Variants in CD2AP observed in about 807,000 individuals in gnomAD.
The protein encoded by CD2AP is CD2 associated protein.
Under a neutral mutation model 85.1 loss-of-function variants are expected in CD2AP, and 46 were observed. The ratio of observed to expected loss-of-function variants is 0.54; its 90% CI spans 0.43 to 0.69. CD2AP has a LOEUF of 0.69. CD2AP is among the 30% of genes least tolerant of loss of function. The pLI is 0.00. For synonymous variants in CD2AP, 255 were observed against 252.9 expected, an observed-to-expected ratio of 1.01 and a Z score of -0.08; for missense variants, 769 against 729.5, an observed-to-expected ratio of 1.05 and a Z score of -0.62.
intron 1 of CD2AP, among the ~76,000 whole-genome samples, chr6:47,498,576 T>G (rs549258304): frequency 6.6e-6 from 1 of 152,328 alleles, no homozygotes; most frequent in East Asian, 1.9e-4. Flanking sequence ...TTCCTTATTT[T>G]CATCTTTTTC....
chr6:47,533,706 T>A lies in CD2AP; in HGVS notation c.270T>A (p.Leu90=). ...SLVQRISTYG[L]PAGGIQPHPQ... The stretch of plus-strand genomic sequence containing the variant: ...TACAACGAATAAGCACCTATGGACT[T>A]CCAGCTGGAGGAATTCAGCCACATC... Residue 90 remains leucine, a synonymous_variant, in exon 3 of 18, where the codon CTT becomes CTA. Coordinates refer to ENST00000359314, the MANE Select transcript of CD2AP (RefSeq NM_012120.3). The A allele has an allele frequency of 6.2e-7, 1 of 1,614,108 alleles. No individual in the cohort carries two copies. The highest frequency in any genetic ancestry group is 8.5e-7 in the Non-Finnish European group (1 of 1,180,000).
intron 2 of CD2AP, among the ~76,000 whole-genome samples, chr6:47,530,872 T>C (rs942935817): frequency 2.6e-5 from 4 of 152,342 alleles, no homozygotes; most frequent in African/African-American, 9.6e-5. Context: ...CAGTGTCTTA[T>C]TTAGGTTGAC....
chr6:47,501,641 G>C lies in CD2AP; in HGVS notation c.5-1639G>C, dbSNP rs532859789. On this transcript the variant is annotated intron_variant, in intron 1 of 17. Coordinates refer to ENST00000359314, the MANE Select transcript of CD2AP (RefSeq NM_012120.3). The stretch of plus-strand genomic sequence containing the variant: ...TTCCTTTTTTTTTTTGGTGGTGGTG[G>C]TTGTGATTGTTGTTGTGGTTGTTGG... Among the ~76,000 whole-genome samples, 10 of 151,794 alleles carry C rather than the reference G, an allele frequency of 6.6e-5. No homozygotes were observed. In the East Asian group the frequency reaches 1.7e-3, roughly 26 times the overall value.
intron 16 of CD2AP, among the ~76,000 whole-genome samples, chr6:47,610,239 G>C (rs576716733): frequency 6.6e-6 from 1 of 152,054 alleles, no homozygotes; most frequent in African/African-American, 2.4e-5. Flanking sequence ...ATAACCACTA[G>C]TATTTGAATT....
chr6:47,511,556 TAC>T (rs1766313709), intron 2 of CD2AP, among the ~76,000 whole-genome samples: 1 of 152,242 alleles, frequency 6.6e-6, no homozygotes, highest in Non-Finnish European at 1.5e-5. Flanking sequence ...AATGTGGTTA[TAC>T]ACACTATTAA....
chr6:47,565,309 C>T (rs1042801531), intron 5 of CD2AP, among the ~76,000 whole-genome samples: 9 of 152,042 alleles, frequency 5.9e-5, no homozygotes, highest in African/African-American at 1.2e-4. Context: ...TGTTATGTTT[C>T]GGTTTTGTAA....
intron 1 of CD2AP, among the ~76,000 whole-genome samples, chr6:47,501,321 T>C (rs1464385151): frequency 1.3e-5 from 2 of 152,236 alleles, no homozygotes; most frequent in Admixed American, 1.3e-4. Context: ...TTGCTATACA[T>C]AGACTATCTG....
rs1427763498 is a variant in CD2AP at position 47,558,167 on chromosome 6, C to T, written c.541+3401C>T. ...TATAGGAATGCTTGTGATTTTTGCT[C>T]ATTGATTTTGTATCCTGAGACTTTG... On this transcript the variant is annotated intron_variant, in intron 5 of 17. Coordinates refer to ENST00000359314, the MANE Select transcript of CD2AP (RefSeq NM_012120.3). 7.2e-5 allele frequency among the ~76,000 whole-genome samples: 11 copies of T among 152,210 alleles called. No homozygotes were observed. In the East Asian group the frequency reaches 7.7e-4, roughly 11 times the overall value.
chr6:47,587,159 A>G lies in CD2AP; in HGVS notation c.1108+5094A>G, dbSNP rs16876101. Among the ~76,000 whole-genome samples, 1,497 of 152,294 alleles carry G rather than the reference A, an allele frequency of 9.8e-3. 12 individuals are homozygous for G. Among genetic ancestry groups the G allele is most frequent in the Non-Finnish European group, 0.015 (1,045 of 68,006 alleles). ...ATAGTTGAGAGAGGGAGCATTTTCA[A>G]ATCATGGCTAGGACCAATTTGAAGC... is the stretch of plus-strand genomic sequence containing the variant. On this transcript the variant is annotated intron_variant, in intron 11 of 17. Transcript: ENST00000359314.
chr6:47,479,013 G>A (rs1212919813), intron 1 of CD2AP, among the ~76,000 whole-genome samples: 1 of 152,194 alleles, frequency 6.6e-6, no homozygotes, highest in African/African-American at 2.4e-5. Flanking sequence ...GGCAGTCCGG[G>A]TTGAAAAGGA....
chr6:47,615,704 G>A (rs1769559070), intron 17 of CD2AP, among the ~76,000 whole-genome samples: 1 of 152,044 alleles, frequency 6.6e-6, no homozygotes. Context: ...TCTGAGATTT[G>A]GTGGGGACAC....
intron 17 of CD2AP, among the ~76,000 whole-genome samples, chr6:47,617,934 C>G (rs1480720365): frequency 1.3e-5 from 2 of 152,138 alleles, no homozygotes; most frequent in Non-Finnish European, 2.9e-5. Context: ...GTCCTTTTGC[C>G]TCATCTTCTA....
At chr6:47,513,511 G>T (rs1031435816) in intron 2 of CD2AP, among the ~76,000 whole-genome samples, 1 of 151,860 alleles carries the variant, frequency 6.6e-6, no homozygotes, top group African/African-American at 2.4e-5. Context: ...GTTTGATTTT[G>T]AAGTTTTCAC....
intron 5 of CD2AP, among the ~76,000 whole-genome samples, chr6:47,557,169 G>GT (rs371058774): frequency 0.28 from 40,234 of 144,504 alleles, 5,732 homozygotes; most frequent in African/African-American, 0.35. Context: ...TTTTGATGGA[G>GT]TTTTTTTTTT....
At chr6:47,504,321 A>C (rs1452435207) in intron 2 of CD2AP, among the ~76,000 whole-genome samples, 2 of 152,346 alleles carry the variant, frequency 1.3e-5, no homozygotes, top group African/African-American at 4.8e-5. Context: ...AGTTGTTAGC[A>C]GAATACCTGC....
chr6:47,525,701 T>C (rs1239803192), intron 2 of CD2AP, among the ~76,000 whole-genome samples: 2 of 152,156 alleles, frequency 1.3e-5, no homozygotes, highest in Non-Finnish European at 2.9e-5. Flanking sequence ...AGAGTAGATA[T>C]ACCCTTTAAC....
At chr6:47,550,973 G>A (rs1434054453) in intron 4 of CD2AP, among the ~76,000 whole-genome samples, 1 of 152,206 alleles carries the variant, frequency 6.6e-6, no homozygotes, top group Non-Finnish European at 1.5e-5. Context: ...GTAAGTGGGA[G>A]CTAAGCTATG....
intron 1 of CD2AP, among the ~76,000 whole-genome samples, chr6:47,485,713 T>C (rs1418384582): frequency 6.6e-6 from 1 of 152,286 alleles, no homozygotes; most frequent in East Asian, 1.9e-4. Flanking sequence ...TAATCTCTAT[T>C]CATGGTAGGT....
intron 2 of CD2AP, among the ~76,000 whole-genome samples, chr6:47,519,488 C>T (rs555683469): frequency 1.3e-5 from 2 of 151,950 alleles, no homozygotes; most frequent in South Asian, 4.2e-4. Context: ...TTTTGATGAC[C>T]GTGCCCTTGC....
Sources: allele counts gnomAD v4.1 joint callset (sites outside exome capture counted in the v4.1 genomes callset), GRCh38; gene constraint gnomAD v4.1.1; transcripts MANE v1.5; gene names NCBI Gene and HGNC (gene_info 2026-07-23, HGNC 2026-07-21).